PRKCB: variants seen among roughly 807,000 people sequenced by gnomAD.
PRKCB encodes the protein protein kinase C beta.
In PRKCB, 13 loss-of-function variants were observed where a neutral mutation model predicts 81.5. That is an observed-to-expected ratio of 0.16 (90% confidence interval 0.10 to 0.25). PRKCB has a LOEUF of 0.25. PRKCB is among the 10% of genes least tolerant of loss of function. The pLI is 1.00. For missense variants in PRKCB, 509 were observed against 875.7 expected (o/e 0.58, Z 5.29); for synonymous variants, 335 against 321.4 (o/e 1.04, Z -0.45).
intron 2 of PRKCB, among the ~76,000 whole-genome samples, chr16:23,983,121 A>C (rs1164761221): frequency 1.3e-5 from 2 of 151,976 alleles, no homozygotes; most frequent in East Asian, 3.8e-4. Context: ...CTTAAAAAAA[A>C]AAAAAACAGA....
At chr16:24,174,627 C>G in intron 12 of PRKCB, 47 bp downstream of exon 12, 1 of 1,482,198 alleles carries the variant, frequency 6.7e-7, no homozygotes, top group South Asian at 1.2e-5. Flanking sequence ...TCCCTCAGCT[C>G]CTCCCTGCCC....
intron 5 of PRKCB, among the ~76,000 whole-genome samples, chr16:24,059,490 T>A (rs1209272767): frequency 6.6e-6 from 1 of 151,798 alleles, no homozygotes; most frequent in Non-Finnish European, 1.5e-5. Flanking sequence ...AGACTCCATT[T>A]CTACAAAAAA....
intron 10 of PRKCB, among the ~76,000 whole-genome samples, chr16:24,160,219 T>C (rs1283730527): frequency 6.9e-6 from 1 of 144,508 alleles, no homozygotes; most frequent in African/African-American, 2.6e-5. Flanking sequence ...TTTAATACTA[T>C]GGAAGTTACT....
intron 5 of PRKCB, among the ~76,000 whole-genome samples, chr16:24,069,078 A>G (rs1966076114): frequency 6.6e-6 from 1 of 152,224 alleles, no homozygotes; most frequent in South Asian, 2.1e-4. Context: ...TTAAACAAGG[A>G]GACTGAGTTA....
At chr16:24,045,693 C>T (rs1206516130) in intron 5 of PRKCB, among the ~76,000 whole-genome samples, 1 of 152,216 alleles carries the variant, frequency 6.6e-6, no homozygotes, top group East Asian at 1.9e-4. Context: ...TCGGCATTAC[C>T]TGGGAGCTCG....
chr16:23,922,173 T>C (rs1288298138), intron 2 of PRKCB, among the ~76,000 whole-genome samples: 2 of 152,230 alleles, frequency 1.3e-5, no homozygotes, highest in Non-Finnish European at 2.9e-5. Context: ...TTTGTAAATG[T>C]AAAAGAGTTG....
At chr16:24,132,113 A>G (rs1339482043) in intron 9 of PRKCB, among the ~76,000 whole-genome samples, 1 of 151,918 alleles carries the variant, frequency 6.6e-6, no homozygotes, top group Admixed American at 6.6e-5. Flanking sequence ...CTCTTTGGAG[A>G]TTTTCTACCT....
At chr16:23,930,122 T>G (rs537396647) in intron 2 of PRKCB, among the ~76,000 whole-genome samples, 1 of 152,216 alleles carries the variant, frequency 6.6e-6, no homozygotes, top group Non-Finnish European at 1.5e-5. Context: ...TTGGAAAGCT[T>G]TAATCTGGGG....
chr16:24,054,706 C>G (rs1965883521), intron 5 of PRKCB, among the ~76,000 whole-genome samples: 1 of 152,182 alleles, frequency 6.6e-6, no homozygotes. Flanking sequence ...CTGACCAAGC[C>G]GTTGACAGCT....
chr16:23,920,347 G>A (rs577582283), intron 2 of PRKCB, among the ~76,000 whole-genome samples: 49 of 152,162 alleles, frequency 3.2e-4, no homozygotes, highest in Non-Finnish European at 5.0e-4. Context: ...TATCACATCT[G>A]TATTGATTCA....
chr16:24,190,815 C>A (rs1012134149), intron 15 of PRKCB, among the ~76,000 whole-genome samples: 1 of 152,072 alleles, frequency 6.6e-6, no homozygotes, highest in African/African-American at 2.4e-5. Flanking sequence ...CTGTGCCTGG[C>A]CCTCATGTGG....
Position 24,143,383 on chromosome 16 carries a change from G to T in PRKCB, c.1066-11301G>T, listed in dbSNP as rs546916090. Among the ~76,000 whole-genome samples, 5 of 152,120 alleles carry T rather than the reference G, an allele frequency of 3.3e-5. No homozygotes were observed. In the East Asian group the frequency reaches 7.8e-4, roughly 24 times the overall value. ...CCTAACCTCAGATGATCCACCTGCC[G>T]TGGCCTCCAAGGTGCTGGGACTACA... On this transcript the variant is annotated intron_variant, in intron 9 of 16. Transcript: ENST00000643927.
intron 7 of PRKCB, among the ~76,000 whole-genome samples, chr16:24,111,640 G>GA (rs34944521): frequency 0.011 from 1,683 of 146,428 alleles, 17 homozygotes; most frequent in Non-Finnish European, 0.016. Context: ...AGAAAAAAAA[G>GA]AAAAAAAAAA....
intron 2 of PRKCB, among the ~76,000 whole-genome samples, chr16:23,964,600 T>C (rs9939356): frequency 0.026 from 3,946 of 152,174 alleles, 152 homozygotes; most frequent in African/African-American, 0.09. Flanking sequence ...AGTATTGTTA[T>C]CCCTGTCCTA....
At position 24,174,501 on chromosome 16, in the gene PRKCB, T is replaced by G. The variant is rs760457190; in HGVS notation, c.1332-17T>G. 1.2e-6 allele frequency: 2 copies of G among 1,607,434 alleles called. No individual in the cohort carries two copies. The highest frequency in any genetic ancestry group is 1.7e-6 in the Non-Finnish European group (2 of 1,177,632). On this transcript the variant is annotated splice_polypyrimidine_tract_variant and intron_variant, in intron 11 of 16. Coordinates refer to ENST00000643927, the MANE Select transcript of PRKCB (RefSeq NM_002738.7). ...CCTTGAGTTTCTCCATCGCTTTTTT[T>G]TTTTTTTTAATTTCAGATTTTACGC...
At chr16:23,967,996 G>T (rs1205861048) in intron 2 of PRKCB, among the ~76,000 whole-genome samples, 2 of 152,146 alleles carry the variant, frequency 1.3e-5, no homozygotes, top group Non-Finnish European at 2.9e-5. Flanking sequence ...TTTACATGTG[G>T]TTGCCTCTCA....
chr16:23,864,725 C>CT (rs1962742756), intron 2 of PRKCB, among the ~76,000 whole-genome samples: 2 of 143,476 alleles, frequency 1.4e-5, no homozygotes, highest in Admixed American at 6.9e-5. Flanking sequence ...TCTGAGATTT[C>CT]TTTTTTTGTT....
At chr16:23,887,089 C>CTTCTTGCTTTCTTGCTTTCT (rs1161524841) in intron 2 of PRKCB, among the ~76,000 whole-genome samples, 1 of 151,626 alleles carries the variant, frequency 6.6e-6, no homozygotes, top group South Asian at 2.1e-4. Flanking sequence ...TCTTTCTTTC[C>CTTCTTGCTTTCTTGCTTTCT]TTCTTGCTTT....
chr16:24,174,352 C>T, intron 11 of PRKCB, 166 bp from the exon 12 acceptor site: 1 of 626,246 alleles, frequency 1.6e-6, no homozygotes. Context: ...CTAAACCACC[C>T]TTTGAATCCA....
Sources: gnomAD v4.1 joint callset for allele counts (sites outside exome capture counted in the v4.1 genomes callset) on GRCh38, gnomAD v4.1.1 for gene constraint, MANE v1.5 for transcripts, NCBI Gene and HGNC (gene_info 2026-07-23, HGNC 2026-07-21) for gene names.